Variants in NBAS observed in about 807,000 individuals in gnomAD.
NBAS encodes NAG/BC035112 fusion.
NBAS carries 219 observed loss-of-function variants against 302.5 expected under a neutral mutation model. The observed-to-expected ratio is 0.72, with a 90% CI of 0.65 to 0.81. The LOEUF is 0.81. NBAS is among the 30% of genes least tolerant of loss of function. The pLI is 0.00. For missense variants in NBAS, 2,932 were observed against 2,841.6 expected, an observed-to-expected ratio of 1.03 and a Z score of -0.72; for synonymous variants, 1,118 against 1,021.6, an observed-to-expected ratio of 1.09 and a Z score of -1.80.
chr2:15,169,345 A>G (rs529624743), intron 51 of NBAS, among the ~76,000 whole-genome samples: 1 of 152,294 alleles, frequency 6.6e-6, no homozygotes, highest in African/African-American at 2.4e-5. Flanking sequence ...TTTGTGCTGG[A>G]AGGGGCACGG....
At chr2:14,873,494 G>C in the NBAS span, among the ~76,000 whole-genome samples, 2 of 152,178 alleles carry the variant, frequency 1.3e-5, no homozygotes, top group African/African-American at 4.8e-5. Flanking sequence ...TGGGATTTCA[G>C]AGGTGAGCCA....
At chr2:15,358,831 C>T (rs1025108523) in intron 32 of NBAS, among the ~76,000 whole-genome samples, 3 of 152,144 alleles carry the variant, frequency 2.0e-5, no homozygotes, top group African/African-American at 4.8e-5. Flanking sequence ...ACACTATCTA[C>T]ATTAAATTTT....
intron 9 of NBAS, among the ~76,000 whole-genome samples, chr2:15,522,257 T>A (rs1267537004): frequency 6.6e-6 from 1 of 152,156 alleles, no homozygotes; most frequent in African/African-American, 2.4e-5. Flanking sequence ...GTCTGAAGTA[T>A]AAGGATGGCA....
chr2:15,307,796 C>T (rs1671095777), intron 40 of NBAS, among the ~76,000 whole-genome samples: 1 of 151,696 alleles, frequency 6.6e-6, no homozygotes, highest in East Asian at 1.9e-4. Context: ...TGACTACTCT[C>T]ATACCTCTGG....
chr2:15,055,045 C>T, the NBAS span, among the ~76,000 whole-genome samples: 98 of 152,272 alleles, frequency 6.4e-4, no homozygotes, highest in African/African-American at 1.8e-3. Flanking sequence ...TGGGATATGT[C>T]ATCTACTATG....
At chr2:14,829,275 A>G in the NBAS span, among the ~76,000 whole-genome samples, 7,479 of 152,156 alleles carry the variant, frequency 0.049, 256 homozygotes, top group Non-Finnish European at 0.074. Context: ...AGAAACACCT[A>G]TCTGTTCCTG....
intron 6 of NBAS, among the ~76,000 whole-genome samples, chr2:15,545,774 A>G (rs1664078076): frequency 6.6e-6 from 1 of 152,270 alleles, no homozygotes; most frequent in South Asian, 2.1e-4. Context: ...AGGAGGGAAC[A>G]CTTGCCAACC....
chr2:15,099,030 G>A, the NBAS span, among the ~76,000 whole-genome samples: 1 of 151,874 alleles, frequency 6.6e-6, no homozygotes, highest in Non-Finnish European at 1.5e-5. Context: ...TTTTAGGTCG[G>A]GGACCATGGC....
chr2:15,149,137 A>T, the NBAS span, among the ~76,000 whole-genome samples: 3 of 152,328 alleles, frequency 2.0e-5, no homozygotes, highest in African/African-American at 4.8e-5. Context: ...GAACACTTAA[A>T]AGGTGATTAG....
chr2:15,281,137 T>G (rs542144508), intron 42 of NBAS, among the ~76,000 whole-genome samples: 2 of 152,294 alleles, frequency 1.3e-5, no homozygotes, highest in South Asian at 4.1e-4. Flanking sequence ...GTGAGTTCCT[T>G]TATGGAATGT....
At chr2:15,310,406 G>T (rs922088279) in intron 38 of NBAS, among the ~76,000 whole-genome samples, 2 of 152,160 alleles carry the variant, frequency 1.3e-5, no homozygotes, top group Admixed American at 6.5e-5. Context: ...CTCAGCTCCT[G>T]CAAGGAATCA....
At chr2:15,163,412 G>A (rs1256812450), downstream of NBAS, among the ~76,000 whole-genome samples, 2 of 152,192 alleles carry the variant, frequency 1.3e-5, no homozygotes, top group East Asian at 3.9e-4. Flanking sequence ...CATAAACCCT[G>A]CTCTCCTGAC....
chr2:15,293,009 T>C (rs1161523877), intron 40 of NBAS, among the ~76,000 whole-genome samples: 3 of 152,164 alleles, frequency 2.0e-5, no homozygotes, highest in African/African-American at 4.8e-5. Flanking sequence ...TCTTGCTCTG[T>C]TATTCTTCAA....
chr2:15,395,847 T>A (rs554986270), intron 27 of NBAS, among the ~76,000 whole-genome samples: 3 of 152,208 alleles, frequency 2.0e-5, no homozygotes, highest in Admixed American at 6.5e-5. Flanking sequence ...ACTTTCTACA[T>A]GGGAAATTAA....
At position 15,415,538 on chromosome 2, in the gene NBAS, C is replaced by G; in HGVS notation, c.2937+8G>C. ...GCCCAGAATTTTAAGAAGTTAGTTT[C>G]TACTTACATCTGGTTTGGAATGCTG... On this transcript the variant is annotated splice_region_variant and intron_variant, in intron 25 of 51. Transcript: ENST00000281513. 1 of 1,613,418 alleles carries G rather than the reference C, an allele frequency of 6.2e-7. No individual in the cohort carries two copies. The highest frequency in any genetic ancestry group is 1.7e-5 in the Admixed American group (1 of 60,034).
chr2:15,383,678 T>C (rs1450858045), intron 28 of NBAS, among the ~76,000 whole-genome samples: 2 of 152,236 alleles, frequency 1.3e-5, no homozygotes, highest in African/African-American at 4.8e-5. Context: ...ATGATATAGC[T>C]TGATGACAGA....
At chr2:14,993,896 A>G in the NBAS span, among the ~76,000 whole-genome samples, 1 of 152,192 alleles carries the variant, frequency 6.6e-6, no homozygotes, top group Non-Finnish European at 1.5e-5. Context: ...AGTTCCATTC[A>G]CTGTTTCAGA....
intron 34 of NBAS, 144 bp downstream of exon 34, chr2:15,353,408 TC>T: frequency 1.0e-6 from 1 of 1,004,718 alleles, no homozygotes; most frequent in Admixed American, 1.8e-5. Flanking sequence ...TATTTTCATG[TC>T]CCTTTTCCAT....
intron 25 of NBAS, among the ~76,000 whole-genome samples, chr2:15,402,960 C>G (rs907942852): frequency 6.6e-6 from 1 of 151,956 alleles, no homozygotes; most frequent in Non-Finnish European, 1.5e-5. Context: ...ATCTATAAAG[C>G]ATGAATATTA....
Sources: allele counts gnomAD v4.1 joint callset (sites outside exome capture counted in the v4.1 genomes callset), GRCh38; gene constraint gnomAD v4.1.1; transcripts MANE v1.5; gene names NCBI Gene and HGNC (gene_info 2026-07-23, HGNC 2026-07-21).